The following CARHSP1 variants were observed in gnomAD, a reference collection of about 807,000 sequenced individuals.
CARHSP1 encodes the protein calcium-regulated heat-stable protein 1.
Under a neutral mutation model 12.5 loss-of-function variants are expected in CARHSP1, and 14 were observed. The observed-to-expected ratio is 1.12, with a 90% CI of 0.74 to 1.75. The LOEUF is 1.75. Among genes scored for constraint, CARHSP1 ranks in the 40% most tolerant of loss-of-function variants. CARHSP1 has a pLI of 0.00. For missense variants in CARHSP1, 343 were observed against 201.6 expected, an observed-to-expected ratio of 1.70 and a Z score of -4.25; for synonymous variants, 161 against 82.0, an observed-to-expected ratio of 1.96 and a Z score of -5.20.
intron 1 of CARHSP1, chr16:8,866,545 G>C: frequency 1.2e-6 from 1 of 829,428 alleles, no homozygotes; most frequent in Non-Finnish European, 1.5e-6. Flanking sequence ...GAGGCGGGGC[G>C]GGTCAGCTGA....
At chr16:8,865,720 G>C (rs1424539833) in intron 1 of CARHSP1, among the ~76,000 whole-genome samples, 1 of 152,218 alleles carries the variant, frequency 6.6e-6, no homozygotes, top group Non-Finnish European at 1.5e-5. Flanking sequence ...ACTGTCCACA[G>C]ACTTCTGCGT....
intron 1 of CARHSP1, chr16:8,861,832 G>A: frequency 4.2e-6 from 5 of 1,194,410 alleles, no homozygotes; most frequent in Non-Finnish European, 5.3e-6. Context: ...AGAGTTCCAG[G>A]AAAGAGGCTG....
At position 8,855,294 on chromosome 16, in the gene CARHSP1, T is replaced by G; in HGVS notation, c.314A>C (p.Asp105Ala). Residue 105 changes from aspartate to alanine, a missense_variant, in exon 4 of 4, where the codon GAC (aspartate) becomes GCC (alanine). Physicochemically the swap from Asp to Ala is moderately radical, Grantham distance 126. Coordinates refer to ENST00000311052, the MANE Select transcript of CARHSP1 (RefSeq NM_014316.4). ...VEGEYVPVEG[D>A]EVTYKMCSIP... The stretch of plus-strand genomic sequence containing the variant: ...GGAGCACATTTTATAGGTGACCTCG[T>G]CGCCTTCCACTGGGACATACTCCCC... 1 of 1,609,816 alleles carries G rather than the reference T, an allele frequency of 6.2e-7. No homozygotes were observed. The highest frequency in any genetic ancestry group is 1.1e-5 in the South Asian group (1 of 90,558).
chr16:8,860,674 G>A (rs1434579716), intron 1 of CARHSP1, among the ~76,000 whole-genome samples: 5 of 151,850 alleles, frequency 3.3e-5, no homozygotes, highest in East Asian at 1.9e-4. Context: ...AACTCAGGAC[G>A]CCACTCAACA....
intron 1 of CARHSP1, among the ~76,000 whole-genome samples, chr16:8,861,028 T>G: frequency 6.8e-6 from 1 of 146,096 alleles, no homozygotes. Context: ...CCAGCCTGGG[T>G]GACAGAGTGA....
chr16:8,858,932 C>G (rs1434220010), intron 2 of CARHSP1: 7 of 465,452 alleles, frequency 1.5e-5, no homozygotes, highest in Non-Finnish European at 2.3e-5. Flanking sequence ...CGATTCTGAC[C>G]CCAGCAACTG....
chr16:8,859,114 C>T, intron 2 of CARHSP1, 57 bp downstream of exon 2: 1 of 1,485,030 alleles, frequency 6.7e-7, no homozygotes, highest in Non-Finnish European at 9.1e-7. Context: ...CAGTGAATCT[C>T]TGGCCTCAGG....
Position 8,861,530 on chromosome 16 carries a change from AGAG to A in CARHSP1, c.-7-2198_-7-2196del, listed in dbSNP as rs1347373483. On this transcript the variant is annotated intron_variant, in intron 1 of 3. Transcript: ENST00000311052. ...ACCCAAGAACCAGGCCCGACTGCTC[AGAG>A]GAGAAGGGATGCCCCATCCCTGAAA... The A allele has an allele frequency of 1.7e-5, 19 of 1,104,410 alleles. No individual in the cohort carries two copies. In the East Asian group the frequency reaches 3.5e-4, roughly 20 times the overall value. The allele number at this position is 1,104,410 out of a possible 1,614,324, so 68.4% of individuals were successfully genotyped here. A position where few individuals can be genotyped will look rare whatever the true frequency, so the allele number is the denominator to read the frequency against.
chr16:8,863,112 C>CTTTTTTTTTG (rs2061395659), intron 1 of CARHSP1, among the ~76,000 whole-genome samples: 1 of 74,130 alleles, frequency 1.3e-5, no homozygotes, highest in African/African-American at 5.8e-5. Context: ...ACAAGGATGG[C>CTTTTTTTTTG]TTTTTTTTTT....
At chr16:8,859,065 T>C (rs922600417) in intron 2 of CARHSP1, 106 bp downstream of exon 2, 2 of 1,086,982 alleles carry the variant, frequency 1.8e-6, no homozygotes, top group South Asian at 1.8e-5. Flanking sequence ...TCTGCCTATT[T>C]GGCAGTCCGG....
rs562160418 is a variant in CARHSP1, at chr16:8,864,531, G to GT, written c.-8+4434dup. ...GGAGAACGGAGACACAAAGAGTCAA[G>GT]TAACTTGCCCAGGGTCGCCCGGCTA... On this transcript the variant is annotated intron_variant, in intron 1 of 3. Coordinates refer to ENST00000311052, the MANE Select transcript of CARHSP1 (RefSeq NM_014316.4). Among the ~76,000 whole-genome samples, 33 of 152,340 alleles carry GT rather than the reference G, an allele frequency of 2.2e-4. 1 individual carries two copies. In the South Asian group the frequency reaches 6.8e-3, roughly 32 times the overall value.
chr16:8,861,926 T>C, intron 1 of CARHSP1: 1 of 521,710 alleles, frequency 1.9e-6, no homozygotes. Context: ...TTAGAGACAC[T>C]GCCCTGCCTT....
chr16:8,862,677 C>T (rs993836391), intron 1 of CARHSP1, among the ~76,000 whole-genome samples: 2 of 152,080 alleles, frequency 1.3e-5, no homozygotes, highest in South Asian at 4.1e-4. Context: ...GTATAGGGAA[C>T]AGCCTGTGCA....
At chr16:8,858,189 C>A (rs2061211653) in intron 3 of CARHSP1, 161 bp downstream of exon 3, 1 of 839,292 alleles carries the variant, frequency 1.2e-6, no homozygotes. Context: ...CCAACACACA[C>A]ACAGGAGCAC....
rs1050914667 is a variant in CARHSP1 at position 8,855,076 on chromosome 16, G to A, written c.*88C>T. 4.5e-5 allele frequency: 53 copies of A among 1,187,076 alleles called. No homozygotes were observed. In the African/African-American group the frequency reaches 4.5e-4, roughly 10 times the overall value. 73.5% of individuals were successfully genotyped at this position (1,187,076 alleles called of 1,614,324 possible). A position where few individuals can be genotyped will look rare whatever the true frequency, so the allele number is the denominator to read the frequency against. ...CCATGCCCGGCTGAAGCCCCGTCTC[G>A]TGTGGAAGAATGTCATCTCCAGTGT... is the stretch of plus-strand genomic sequence containing the variant. On this transcript the variant is annotated 3_prime_UTR_variant, in exon 4 of 4. Coordinates refer to ENST00000311052, the MANE Select transcript of CARHSP1 (RefSeq NM_014316.4).
intron 1 of CARHSP1, among the ~76,000 whole-genome samples, chr16:8,863,520 C>A (rs2061405184): frequency 6.6e-6 from 1 of 152,238 alleles, no homozygotes; most frequent in Non-Finnish European, 1.5e-5. Context: ...TGGCTACATT[C>A]CTGCTCACCT....
At chr16:8,855,353 G>C (rs200406700) in intron 3 of CARHSP1, 27 bp from the exon 4 acceptor site, 5 of 1,492,024 alleles carry the variant, frequency 3.4e-6, no homozygotes, top group Non-Finnish European at 4.5e-6. Flanking sequence ...AAAGCAGTCA[G>C]GGCTCACACC....
intron 2 of CARHSP1, chr16:8,858,874 T>C: frequency 2.4e-6 from 1 of 411,230 alleles, no homozygotes; most frequent in Admixed American, 4.0e-5. Context: ...AGCTGCAGAA[T>C]TCACAGTCTC....
intron 1 of CARHSP1, among the ~76,000 whole-genome samples, chr16:8,863,137 T>TTCC (rs1555457603): frequency 5.5e-5 from 7 of 126,288 alleles, no homozygotes; most frequent in East Asian, 4.7e-4. Flanking sequence ...TTTTTTTTTT[T>TTCC]CAGATAGGAT....
Sources: allele counts gnomAD v4.1 joint callset (sites outside exome capture counted in the v4.1 genomes callset), GRCh38; gene constraint gnomAD v4.1.1; transcripts MANE v1.5; gene names NCBI Gene and HGNC (gene_info 2026-07-23, HGNC 2026-07-21).